Variants in MXI1 observed in about 807,000 individuals in gnomAD.
The protein encoded by MXI1 is max-interacting protein 1.
MXI1 carries 18 observed loss-of-function variants against 36.9 expected under a neutral mutation model. The ratio of observed to expected loss-of-function variants is 0.49; its 90% confidence interval spans 0.34 to 0.72. The LOEUF is 0.72. Among genes scored for constraint, MXI1 ranks in the 30% least tolerant of loss-of-function variants. The probability of loss-of-function intolerance (pLI) is 0.01; values close to 1 mark genes in which losing one functional copy is unlikely to be tolerated. For synonymous variants in MXI1, 160 were observed against 146.7 expected, an observed-to-expected ratio of 1.09 and a Z score of -0.65; for missense variants, 304 against 379.1, an observed-to-expected ratio of 0.80 and a Z score of 1.64.
At chr10:110,216,665 G>GTTTTTTGTTTTGTTTTGTTTTTTTT (rs1554853670) in intron 1 of MXI1, among the ~76,000 whole-genome samples, 3 of 79,060 alleles carry the variant, frequency 3.8e-5, no homozygotes, top group Non-Finnish European at 6.0e-5. Flanking sequence ...TGTGTTTAAT[G>GTTTTTTGTTTTGTTTTGTTTTTTTT]TTTTTTTTTT....
Position 110,222,184 on chromosome 10 carries a change from C to T in MXI1, c.275-6005C>T, listed in dbSNP as rs545481168. 3.3e-5 allele frequency among the ~76,000 whole-genome samples: 5 copies of T among 152,136 alleles called. No homozygotes were observed. In the South Asian group the frequency reaches 8.3e-4, roughly 25 times the overall value. On this transcript the variant is annotated intron_variant, in intron 1 of 5. Transcript: ENST00000332674. ...AGATGGAAAAATGTATAACTGTTAA[C>T]GGTTCTCATTTAAGAGCTTAGAGTT... is the stretch of plus-strand genomic sequence containing the variant.
At chr10:110,244,604 C>T (rs1460616587) in intron 2 of MXI1, among the ~76,000 whole-genome samples, 1 of 151,826 alleles carries the variant, frequency 6.6e-6, no homozygotes, top group Non-Finnish European at 1.5e-5. Context: ...AATGAAACTC[C>T]AGTTTCAGAC....
At chr10:110,265,642 C>T (rs1856654234) in intron 3 of MXI1, among the ~76,000 whole-genome samples, 1 of 152,148 alleles carries the variant, frequency 6.6e-6, no homozygotes, top group Non-Finnish European at 1.5e-5. Flanking sequence ...AAGTCCTGAG[C>T]CCTGCTCTGG....
intron 1 of MXI1, among the ~76,000 whole-genome samples, chr10:110,221,622 G>C (rs1854809158): frequency 6.6e-6 from 1 of 152,230 alleles, no homozygotes; most frequent in Non-Finnish European, 1.5e-5. Flanking sequence ...ATAGGCTGCT[G>C]TAATAAGGGC....
intron 1 of MXI1, among the ~76,000 whole-genome samples, chr10:110,216,665 G>GTTTTTTTTTTTTTTGTTTTTTTT (rs1854646517): frequency 1.3e-5 from 1 of 79,060 alleles, no homozygotes; most frequent in African/African-American, 8.0e-5. Flanking sequence ...TGTGTTTAAT[G>GTTTTTTTTTTTTTTGTTTTTTTT]TTTTTTTTTT....
chr10:110,210,094 C>G (rs1854473444), intron 1 of MXI1: 1 of 176,124 alleles, frequency 5.7e-6, no homozygotes, highest in Non-Finnish European at 1.0e-5. Context: ...TACCCCGTGC[C>G]GGGGCTCCGG....
intron 3 of MXI1, among the ~76,000 whole-genome samples, chr10:110,246,973 G>A (rs1351538656): frequency 6.6e-6 from 1 of 152,080 alleles, no homozygotes; most frequent in Non-Finnish European, 1.5e-5. Flanking sequence ...TATGTTTTGG[G>A]CCCATGGATT....
chr10:110,227,810 G>C (rs1855114489), intron 1 of MXI1: 1 of 222,056 alleles, frequency 4.5e-6, no homozygotes, highest in African/African-American at 2.2e-5. Context: ...TGGGCTTAAA[G>C]AGACTCTTTA....
intron 1 of MXI1, chr10:110,226,106 C>CGTCG: frequency 8.5e-7 from 1 of 1,179,246 alleles, no homozygotes; most frequent in Non-Finnish European, 1.1e-6. Context: ...CCCGCCCGCC[C>CGTCG]GTCGCACATG....
At chr10:110,255,617 G>C (rs1024833382) in intron 3 of MXI1, among the ~76,000 whole-genome samples, 3 of 152,124 alleles carry the variant, frequency 2.0e-5, no homozygotes, top group African/African-American at 7.2e-5. Context: ...GAAGATGAAA[G>C]CTTTGTACAC....
chr10:110,261,908 G>A (rs1274686595), intron 3 of MXI1, among the ~76,000 whole-genome samples: 1 of 152,086 alleles, frequency 6.6e-6, no homozygotes, highest in Non-Finnish European at 1.5e-5. Context: ...ATGAATTTCT[G>A]TTAACAGGGG....
chr10:110,261,207 G>T (rs1856497510), intron 3 of MXI1: 7 of 849,780 alleles, frequency 8.2e-6, no homozygotes, highest in Non-Finnish European at 9.9e-6. Context: ...TTTAAATAAT[G>T]TCCTCACTGC....
chr10:110,273,177 A>G (rs1350948720), intron 3 of MXI1, among the ~76,000 whole-genome samples: 2 of 150,494 alleles, frequency 1.3e-5, no homozygotes, highest in Admixed American at 1.3e-4. Context: ...CCTCCCAAGT[A>G]GCTGGGACTA....
intron 1 of MXI1, among the ~76,000 whole-genome samples, chr10:110,212,727 T>C (rs1854541611): frequency 1.3e-5 from 2 of 152,326 alleles, no homozygotes; most frequent in Middle Eastern, 3.4e-3. Context: ...AGTATGACCC[T>C]CATATCATTG....
Position 110,228,325 on chromosome 10 carries a change from G to A in MXI1, c.407+4G>A, listed in dbSNP as rs1855136385. 1 of 1,614,126 alleles carries A rather than the reference G, an allele frequency of 6.2e-7. No homozygotes were observed. The highest frequency in any genetic ancestry group is 8.5e-7 in the Non-Finnish European group (1 of 1,180,010). Reference sequence around the variant, plus strand: ...GCAACACCAGCACTGCCAACAGGTAGCAAGCTGGGAACGCTTAGAAGAGGG... The same window carrying A: ...GCAACACCAGCACTGCCAACAGGTAACAAGCTGGGAACGCTTAGAAGAGGG... On this transcript the variant is annotated splice_donor_region_variant and intron_variant, in intron 2 of 5. Transcript: ENST00000332674.
At chr10:110,283,861 G>A (rs867850233) in intron 5 of MXI1, among the ~76,000 whole-genome samples, 5 of 151,318 alleles carry the variant, frequency 3.3e-5, no homozygotes, top group African/African-American at 1.2e-4. Context: ...GCACACTGCA[G>A]CCTCAACCTC....
chr10:110,253,872 C>CA (rs1227190291), intron 3 of MXI1, among the ~76,000 whole-genome samples: 1 of 152,068 alleles, frequency 6.6e-6, no homozygotes, highest in Non-Finnish European at 1.5e-5. Flanking sequence ...GCATTAATGA[C>CA]AAACCCACAG....
intron 1 of MXI1, among the ~76,000 whole-genome samples, chr10:110,225,714 G>A (rs1466098027): frequency 2.0e-5 from 3 of 152,056 alleles, no homozygotes; most frequent in African/African-American, 7.2e-5. Flanking sequence ...ATTCCACATC[G>A]TGTCTGGAGG....
chr10:110,243,451 A>T (rs977546261), intron 2 of MXI1, among the ~76,000 whole-genome samples: 7 of 152,124 alleles, frequency 4.6e-5, no homozygotes, highest in Non-Finnish European at 7.4e-5. Context: ...TAAAAGTTAC[A>T]CAAATTATGA....
Sources: gnomAD v4.1 joint callset for allele counts (sites outside exome capture counted in the v4.1 genomes callset) on GRCh38, gnomAD v4.1.1 for gene constraint, MANE v1.5 for transcripts, NCBI Gene and HGNC (gene_info 2026-07-23, HGNC 2026-07-21) for gene names.